Variants in SUV39H2 observed in about 807,000 individuals in gnomAD.
SUV39H2 encodes SUV39H2 histone lysine methyltransferase, also known as histone-lysine N-methyltransferase SUV39H2.
Under a neutral mutation model 47.5 loss-of-function variants are expected in SUV39H2, and 10 were observed. The observed-to-expected ratio is 0.21, with a 90% CI of 0.13 to 0.36. The LOEUF (loss-of-function observed/expected upper bound fraction) is 0.36. SUV39H2 is among the 10% of genes least tolerant of loss of function. SUV39H2 has a pLI of 1.00. For synonymous variants in SUV39H2, 159 were observed against 166.8 expected (o/e 0.95, Z 0.36); for missense variants, 266 against 487.4 (o/e 0.55, Z 4.28).
chr10:14,897,586 TATCTCTTTAAGAGATACTTG>T, intron 3 of SUV39H2, 69 bp downstream of exon 3: 3 of 1,330,240 alleles, frequency 2.3e-6, no homozygotes, highest in Non-Finnish European at 3.0e-6. Context: ...ATTACCTTTT[TATCTCTTTAAGAGATACTTG>T]GTACATTTTG....
chr10:14,884,140 C>G (rs1385464694), intron 2 of SUV39H2, among the ~76,000 whole-genome samples: 1 of 152,166 alleles, frequency 6.6e-6, no homozygotes, highest in Non-Finnish European at 1.5e-5. Context: ...TATGAACATT[C>G]GCCTACAGGG....
chr10:14,894,854 AGACCTTTTGTCATTAAT>A (rs1262955250), intron 2 of SUV39H2, among the ~76,000 whole-genome samples: 1 of 152,216 alleles, frequency 6.6e-6, no homozygotes, highest in Non-Finnish European at 1.5e-5. Flanking sequence ...CACATGGCTT[AGACCTTTTGTCATTAAT>A]GCATTATGAC....
chr10:14,879,800 G>C (rs1025076713), intron 1 of SUV39H2: 3 of 152,184 alleles, frequency 2.0e-5, no homozygotes, highest in African/African-American at 4.8e-5. Flanking sequence ...CCAGCGGAAG[G>C]TGTTTGTGGT....
In SUV39H2 at chr10:14,893,256, G is replaced by A. The variant is rs201293215; in HGVS notation, c.178-3590G>A. Among the ~76,000 whole-genome samples the A allele has an allele frequency of 3.9e-5, 6 of 152,110 alleles. No homozygotes were observed. The East Asian group carries it at 1.2e-3, about 29-fold the overall frequency. On this transcript the variant is annotated intron_variant, in intron 2 of 5. Transcript: ENST00000354919. The stretch of plus-strand genomic sequence containing the variant: ...CTGACCTCGTGATCCGCCCGCCTCG[G>A]CCTCCCAAAGTGCTGGGATTACAGG...
chr10:14,893,393 G>T (rs1019299966), intron 2 of SUV39H2, among the ~76,000 whole-genome samples: 1 of 152,178 alleles, frequency 6.6e-6, no homozygotes, highest in African/African-American at 2.4e-5. Flanking sequence ...TGGCCGGGAA[G>T]TGGCTTTAAA....
intron 2 of SUV39H2, among the ~76,000 whole-genome samples, chr10:14,882,107 A>G (rs530559901): frequency 2.0e-5 from 3 of 152,344 alleles, no homozygotes; most frequent in South Asian, 4.1e-4. Flanking sequence ...CCTGGATTGC[A>G]AAGTCATTTC....
At chr10:14,879,135 C>G in intron 1 of SUV39H2, 12 of 1,241,632 alleles carry the variant, frequency 9.7e-6, no homozygotes, top group Non-Finnish European at 1.1e-5. Context: ...GAGGTGGGCA[C>G]TGTCCGAGCC....
chr10:14,881,517 C>G lies in SUV39H2; in HGVS notation c.49C>G (p.Leu17Val). ...EARGAWCVPC[L>V]VSLDTLQELC... ...TATTGTAGCTTGGTGTGTGCCTTGC[C>G]TAGTTTCACTTGATACTCTTCAGGA... Residue 17 changes from leucine to valine, a missense_variant, in exon 2 of 6, where the codon CTA (leucine) becomes GTA (valine). Transcript: ENST00000354919. 1 of 1,575,760 alleles carries G rather than the reference C, an allele frequency of 6.3e-7. No individual in the cohort carries two copies. Among genetic ancestry groups the G allele is most frequent in the Non-Finnish European group, 8.6e-7 (1 of 1,165,072 alleles).
chr10:14,890,660 C>G (rs1833359116), intron 2 of SUV39H2, among the ~76,000 whole-genome samples: 1 of 152,170 alleles, frequency 6.6e-6, no homozygotes, highest in Non-Finnish European at 1.5e-5. Flanking sequence ...CCACTGTGCC[C>G]AGCCAGATGC....
chr10:14,899,318 T>A, intron 3 of SUV39H2: 5 of 610,712 alleles, frequency 8.2e-6, no homozygotes, highest in East Asian at 3.0e-5. Flanking sequence ...AGACCCTGTT[T>A]AAAAAAAAAA....
In SUV39H2 at chr10:14,903,209, C is replaced by G. The variant is rs951093068; in HGVS notation, c.*697C>G. 1.3e-5 allele frequency: 2 copies of G among 152,268 alleles called. No individual in the cohort carries two copies. The highest frequency in any genetic ancestry group is 4.8e-5 in the African/African-American group (2 of 41,552). The allele number at this position is 152,268 out of a possible 1,614,324, so 9.4% of individuals were successfully genotyped here. ...AAGAAAAATCTCCGAAGAGCTCTCTCTAGAAGTCCAAAATGGCTAGCCATT... is the reference window on the plus strand; with the variant it reads ...AAGAAAAATCTCCGAAGAGCTCTCTGTAGAAGTCCAAAATGGCTAGCCATT... On this transcript the variant is annotated 3_prime_UTR_variant, in exon 6 of 6. Coordinates refer to ENST00000354919, the MANE Select transcript of SUV39H2 (RefSeq NM_001193424.2).
At chr10:14,883,209 C>T (rs1424547188) in intron 2 of SUV39H2, among the ~76,000 whole-genome samples, 1 of 152,090 alleles carries the variant, frequency 6.6e-6, no homozygotes, top group African/African-American at 2.4e-5. Context: ...ATCAAGCTCT[C>T]TTTTTTTACT....
chr10:14,899,378 T>G (rs1833835860), intron 3 of SUV39H2, 161 bp from the exon 4 acceptor site: 1 of 769,972 alleles, frequency 1.3e-6, no homozygotes, highest in African/African-American at 1.7e-5. Flanking sequence ...TTTTCCCACC[T>G]CTTTGCATCT....
At chr10:14,900,362 A>G (rs1833915957) in intron 4 of SUV39H2, among the ~76,000 whole-genome samples, 1 of 152,214 alleles carries the variant, frequency 6.6e-6, no homozygotes, top group Non-Finnish European at 1.5e-5. Flanking sequence ...TTTTGTGGAT[A>G]ATAAGGACAG....
chr10:14,883,448 T>C (rs936544080), intron 2 of SUV39H2, among the ~76,000 whole-genome samples: 7 of 151,926 alleles, frequency 4.6e-5, no homozygotes, highest in Non-Finnish European at 8.8e-5. Context: ...CTCACGCCTG[T>C]AATCCTAGCA....
At chr10:14,891,933 G>C (rs969451352) in intron 2 of SUV39H2, among the ~76,000 whole-genome samples, 3 of 152,120 alleles carry the variant, frequency 2.0e-5, no homozygotes, top group Admixed American at 6.6e-5. Context: ...CTCTAAACCC[G>C]GAATCTAAAT....
chr10:14,892,788 T>G (rs187488726), intron 2 of SUV39H2, among the ~76,000 whole-genome samples: 1 of 151,628 alleles, frequency 6.6e-6, no homozygotes, highest in Admixed American at 6.6e-5. Context: ...TGACTTTAAC[T>G]GACACCGAAG....
chr10:14,901,295 A>G, intron 5 of SUV39H2, 33 bp downstream of exon 5: 1 of 1,612,210 alleles, frequency 6.2e-7, no homozygotes, highest in Non-Finnish European at 8.5e-7. Context: ...CATTGGTGTC[A>G]GTTTCAATAT....
chr10:14,891,454 G>C (rs1022809401), intron 2 of SUV39H2, among the ~76,000 whole-genome samples: 1 of 152,170 alleles, frequency 6.6e-6, no homozygotes, highest in Non-Finnish European at 1.5e-5. Context: ...TGGTTTTGTG[G>C]ATTTTTTGTT....
Sources: gnomAD v4.1 joint callset for allele counts (sites outside exome capture counted in the v4.1 genomes callset) on GRCh38, gnomAD v4.1.1 for gene constraint, MANE v1.5 for transcripts, NCBI Gene and HGNC (gene_info 2026-07-23, HGNC 2026-07-21) for gene names.